Variants in GPC6 observed in about 807,000 individuals in gnomAD.
The protein encoded by GPC6 is glypican 6.
GPC6 carries 14 observed loss-of-function variants against 55.2 expected under a neutral mutation model. That is an observed-to-expected ratio of 0.25 (90% confidence interval 0.17 to 0.40). The LOEUF is 0.40. GPC6 is among the 10% of genes least tolerant of loss of function. The probability of loss-of-function intolerance (pLI) is 1.00; values close to 1 mark genes in which losing one functional copy is unlikely to be tolerated. For missense variants in GPC6, 641 were observed against 708.5 expected, an observed-to-expected ratio of 0.90 and a Z score of 1.08; for synonymous variants, 278 against 259.6, an observed-to-expected ratio of 1.07 and a Z score of -0.68.
At chr13:93,312,292 A>C (rs1879099550) in intron 1 of GPC6, among the ~76,000 whole-genome samples, 1 of 152,196 alleles carries the variant, frequency 6.6e-6, no homozygotes, top group African/African-American at 2.4e-5. Context: ...ATAGATCCTG[A>C]GAACAGGGTA....
chr13:94,240,045 G>A (rs1026049749), intron 4 of GPC6, among the ~76,000 whole-genome samples: 3 of 152,098 alleles, frequency 2.0e-5, no homozygotes, highest in Admixed American at 2.0e-4. Context: ...AGGTATTTGA[G>A]GGTGTTCATA....
chr13:94,163,001 A>G (rs983823670), intron 4 of GPC6, among the ~76,000 whole-genome samples: 1 of 152,136 alleles, frequency 6.6e-6, no homozygotes, highest in Non-Finnish European at 1.5e-5. Context: ...ATAGCTCACC[A>G]TGAAGCTTAT....
intron 2 of GPC6, among the ~76,000 whole-genome samples, chr13:93,750,983 A>C (rs1007092218): frequency 6.6e-6 from 1 of 152,052 alleles, no homozygotes; most frequent in Non-Finnish European, 1.5e-5. Flanking sequence ...AGACAAAACC[A>C]GTGTGCAAAA....
chr13:93,237,703 T>G (rs575608863), intron 1 of GPC6, among the ~76,000 whole-genome samples: 11 of 150,818 alleles, frequency 7.3e-5, no homozygotes, highest in Admixed American at 4.0e-4. Flanking sequence ...GTTTCAGGTC[T>G]TACAATTAAG....
At chr13:94,369,728 A>G (rs1423286943) in intron 6 of GPC6, among the ~76,000 whole-genome samples, 1 of 151,290 alleles carries the variant, frequency 6.6e-6, no homozygotes, top group Non-Finnish European at 1.5e-5. Flanking sequence ...GATTGGGGGG[A>G]TCATCTGAGA....
intron 6 of GPC6, among the ~76,000 whole-genome samples, chr13:94,353,544 G>T (rs919602621): frequency 1.3e-5 from 2 of 151,756 alleles, no homozygotes; most frequent in African/African-American, 4.9e-5. Flanking sequence ...ACTTTCCTGA[G>T]AAAAAAGAGT....
chr13:93,332,030 C>T (rs757408310), intron 1 of GPC6, among the ~76,000 whole-genome samples: 9 of 151,120 alleles, frequency 6.0e-5, no homozygotes, highest in Non-Finnish European at 8.8e-5. Flanking sequence ...TTGCAAATGA[C>T]ATGAGTTCAT....
chr13:93,577,845 G>A (rs911594008), intron 2 of GPC6, among the ~76,000 whole-genome samples: 1 of 151,994 alleles, frequency 6.6e-6, no homozygotes, highest in South Asian at 2.1e-4. Context: ...TTGGCTGTGG[G>A]TTTGTCAACA....
chr13:93,888,186 T>C (rs528564212), intron 3 of GPC6, among the ~76,000 whole-genome samples: 259 of 152,292 alleles, frequency 1.7e-3, no homozygotes, highest in African/African-American at 5.8e-3. Context: ...TTTTGGACAG[T>C]TGTGTTTCCA....
intron 5 of GPC6, among the ~76,000 whole-genome samples, chr13:94,300,223 T>C (rs1272601621): frequency 1.3e-5 from 2 of 152,132 alleles, no homozygotes; most frequent in East Asian, 3.9e-4. Flanking sequence ...TTACCAGTAG[T>C]GACTTTTTAA....
At chr13:94,223,624 C>T (rs1171240839) in intron 4 of GPC6, among the ~76,000 whole-genome samples, 1 of 152,110 alleles carries the variant, frequency 6.6e-6, no homozygotes, top group Non-Finnish European at 1.5e-5. Context: ...TATTAAATAT[C>T]TACTGTACAC....
chr13:93,716,464 GTGTT>G (rs1883258315), intron 2 of GPC6, among the ~76,000 whole-genome samples: 1 of 151,268 alleles, frequency 6.6e-6, no homozygotes, highest in Non-Finnish European at 1.5e-5. Flanking sequence ...GGTAATCTGT[GTGTT>G]TGTGTTGTAG....
chr13:93,618,703 T>G (rs1167749164), intron 2 of GPC6, among the ~76,000 whole-genome samples: 1 of 152,154 alleles, frequency 6.6e-6, no homozygotes, highest in East Asian at 1.9e-4. Flanking sequence ...TTAACTCTAC[T>G]AGGATTTATT....
chr13:93,850,898 T>G (rs1888368899), intron 3 of GPC6, among the ~76,000 whole-genome samples: 1 of 151,958 alleles, frequency 6.6e-6, no homozygotes. Context: ...ACTGAGAAAC[T>G]GAAGTATAGT....
intron 1 of GPC6, among the ~76,000 whole-genome samples, chr13:93,448,252 T>C (rs1878085980): frequency 1.3e-5 from 2 of 152,172 alleles, no homozygotes; most frequent in Admixed American, 1.3e-4. Context: ...TGTTGTGAAA[T>C]ACTTATCATT....
At chr13:93,449,292 C>T (rs1378273685) in intron 1 of GPC6, among the ~76,000 whole-genome samples, 2 of 152,186 alleles carry the variant, frequency 1.3e-5, no homozygotes, top group Non-Finnish European at 2.9e-5. Flanking sequence ...TTAGGAATTA[C>T]AGGCATTGTG....
intron 1 of GPC6, among the ~76,000 whole-genome samples, chr13:93,440,482 G>A (rs1251839595): frequency 6.6e-6 from 1 of 152,194 alleles, no homozygotes; most frequent in East Asian, 1.9e-4. Context: ...AAGTTGGAAA[G>A]TAGAAACCAT....
At chr13:93,431,130 A>G (rs1475993439) in intron 1 of GPC6, among the ~76,000 whole-genome samples, 1 of 152,160 alleles carries the variant, frequency 6.6e-6, no homozygotes, top group African/African-American at 2.4e-5. Flanking sequence ...CCAAGCAGGC[A>G]GTATTTTGAC....
At chr13:93,296,232 T>C (rs182067247) in intron 1 of GPC6, among the ~76,000 whole-genome samples, 1 of 152,164 alleles carries the variant, frequency 6.6e-6, no homozygotes, top group African/African-American at 2.4e-5. Flanking sequence ...TCACATCTAA[T>C]TTATGATGTA....
Sources: allele counts gnomAD v4.1 joint callset (sites outside exome capture counted in the v4.1 genomes callset), GRCh38; gene constraint gnomAD v4.1.1; transcripts MANE v1.5; gene names NCBI Gene and HGNC (gene_info 2026-07-23, HGNC 2026-07-21).